The following WDPCP variants were observed in gnomAD, a reference collection of about 807,000 sequenced individuals.
The protein encoded by WDPCP is WD repeat-containing and planar cell polarity effector protein fritz homolog.
Under a neutral mutation model 93.1 loss-of-function variants are expected in WDPCP, and 71 were observed. The ratio of observed to expected loss-of-function variants is 0.76; its 90% CI spans 0.63 to 0.93. WDPCP has a LOEUF of 0.93. Ranked by LOEUF, WDPCP falls within the 40% of genes least tolerant of loss-of-function variation. WDPCP has a pLI of 0.00. For synonymous variants in WDPCP, 315 were observed against 315.0 expected (o/e 1.00, Z 0.00); for missense variants, 844 against 887.4 (o/e 0.95, Z 0.62).
intron 14 of WDPCP, among the ~76,000 whole-genome samples, chr2:63,196,020 A>G (rs1675406631): frequency 1.3e-5 from 2 of 152,196 alleles, no homozygotes; most frequent in African/African-American, 4.8e-5. Context: ...ATGCTGCATG[A>G]TGCTAATCAT....
chr2:63,503,850 A>G (rs960545658), intron 1 of WDPCP, among the ~76,000 whole-genome samples: 2 of 151,900 alleles, frequency 1.3e-5, no homozygotes, highest in African/African-American at 4.8e-5. Context: ...TTGTCAATTC[A>G]GGGTTATTGT....
intron 14 of WDPCP, among the ~76,000 whole-genome samples, chr2:63,214,693 G>T (rs1281092963): frequency 2.0e-5 from 3 of 152,172 alleles, no homozygotes; most frequent in African/African-American, 7.2e-5. Flanking sequence ...GTCCCTGTTT[G>T]CAGATGACAT....
At chr2:63,454,566 C>T (rs1441541933) in intron 6 of WDPCP, among the ~76,000 whole-genome samples, 3 of 151,706 alleles carry the variant, frequency 2.0e-5, no homozygotes, top group African/African-American at 7.3e-5. Flanking sequence ...TGATAAATAG[C>T]ATACCATAAA....
intron 3 of WDPCP, among the ~76,000 whole-genome samples, chr2:63,626,313 G>A (rs906590619): frequency 6.6e-6 from 1 of 152,080 alleles, no homozygotes; most frequent in Non-Finnish European, 1.5e-5. Flanking sequence ...AAAAGCAACG[G>A]CAACAAAAGC....
chr2:63,778,279 C>A (rs1165430024), intron 2 of WDPCP, among the ~76,000 whole-genome samples: 1 of 151,914 alleles, frequency 6.6e-6, no homozygotes, highest in Non-Finnish European at 1.5e-5. Context: ...GCGATTTCAG[C>A]CCACTGCAAC....
At chr2:63,801,735 C>T (rs990671729) in intron 2 of WDPCP, among the ~76,000 whole-genome samples, 2 of 152,192 alleles carry the variant, frequency 1.3e-5, no homozygotes, top group Admixed American at 6.5e-5. Flanking sequence ...GTGCGTTTTA[C>T]AATCCTCCTG....
At chr2:63,742,602 G>A (rs932186349) in intron 2 of WDPCP, among the ~76,000 whole-genome samples, 2 of 150,394 alleles carry the variant, frequency 1.3e-5, no homozygotes, top group African/African-American at 4.9e-5. Context: ...TGCCTACAAG[G>A]GTTCTTTTTT....
At chr2:63,438,113 C>A (rs1697261518) in intron 7 of WDPCP, 3 of 875,902 alleles carry the variant, frequency 3.4e-6, no homozygotes, top group Non-Finnish European at 4.4e-6. Context: ...AAAATTAGCA[C>A]AATATTTCTA....
intron 2 of WDPCP, among the ~76,000 whole-genome samples, chr2:63,724,000 A>G (rs764975665): frequency 6.6e-6 from 1 of 152,176 alleles, no homozygotes; most frequent in Non-Finnish European, 1.5e-5. Flanking sequence ...CCTAAGTTTC[A>G]ATTTGAAATT....
At chr2:63,793,540 G>A (rs1468440074) in intron 2 of WDPCP, among the ~76,000 whole-genome samples, 1 of 152,170 alleles carries the variant, frequency 6.6e-6, no homozygotes, top group African/African-American at 2.4e-5. Flanking sequence ...GAGCCTAGGA[G>A]TTCAAGATTA....
rs554381634 is a variant in WDPCP at position 63,691,865 on chromosome 2, T to C, written n.309-41027A>G. ...CTATACAAGATTTTTAAAAATTATA[T>C]ACTACAAAGTGTGTGTGTGTGTGTG... On this transcript the variant is annotated intron_variant and non_coding_transcript_variant, in intron 2 of 4. Transcript: ENST00000467687. Among the ~76,000 whole-genome samples, 117 of 146,096 alleles carry C rather than the reference T, an allele frequency of 8.0e-4. 1 individual carries two copies. Among genetic ancestry groups the C allele is most frequent in the Non-Finnish European group, 1.4e-3 (95 of 67,106 alleles).
chr2:63,293,294 T>C (rs139787953), intron 13 of WDPCP, among the ~76,000 whole-genome samples: 4 of 152,302 alleles, frequency 2.6e-5, no homozygotes, highest in Non-Finnish European at 5.9e-5. Context: ...AAGTATAGTT[T>C]TGGACAAGGC....
chr2:63,140,554 A>AT (rs57591269), intron 17 of WDPCP, among the ~76,000 whole-genome samples: 65,864 of 145,900 alleles, frequency 0.45, 15,008 homozygotes, highest in Admixed American at 0.51. Flanking sequence ...ATTCCTAAGT[A>AT]TTTTTTTTTT....
At position 63,588,216 on chromosome 2, in the gene WDPCP, G is replaced by T; in HGVS notation, c.56C>A (p.Ser19Tyr). The change falls in exon 1 of 18, where the codon TCT becomes TAT. Residue 19 changes from serine (S) to tyrosine (Y), a missense_variant. Transcript: ENST00000272321. Reference sequence around the variant, plus strand: ...GCTCACCTGTCTCGGGAGTGGGGAAGAAGCGCGACTCCCGGCCGCTTTGGA... The same window carrying T: ...GCTCACCTGTCTCGGGAGTGGGGAATAAGCGCGACTCCCGGCCGCTTTGGA... ...AYSKAAGSRA[S>Y]SPLPRQDRDS... 6.4e-7 allele frequency: 1 copy of T among 1,573,374 alleles called. No homozygotes were observed. Among genetic ancestry groups the T allele is most frequent in the African/African-American group, 1.4e-5 (1 of 73,674 alleles).
intron 13 of WDPCP, among the ~76,000 whole-genome samples, chr2:63,274,660 G>A (rs925125793): frequency 2.6e-5 from 4 of 152,110 alleles, no homozygotes; most frequent in African/African-American, 9.7e-5. Flanking sequence ...AGGATCATCT[G>A]AGACTTTTAT....
chr2:63,270,717 G>A (rs59702024), intron 13 of WDPCP, among the ~76,000 whole-genome samples: 180 of 152,250 alleles, frequency 1.2e-3, no homozygotes, highest in African/African-American at 4.2e-3. Flanking sequence ...CAGGGAAAAG[G>A]TTAAAGTGAG....
chr2:63,222,155 A>G (rs75804953), intron 14 of WDPCP, among the ~76,000 whole-genome samples: 2 of 152,198 alleles, frequency 1.3e-5, no homozygotes, highest in Admixed American at 1.3e-4. Flanking sequence ...TCATCTCTCT[A>G]TATATATGTT....
At chr2:63,654,871 G>A (rs1051805360) in intron 2 of WDPCP, among the ~76,000 whole-genome samples, 68 of 151,750 alleles carry the variant, frequency 4.5e-4, no homozygotes, top group African/African-American at 1.6e-3. Context: ...TGAATCTATG[G>A]TTGGTTGAAT....
chr2:63,264,161 A>G (rs1414310066), intron 13 of WDPCP, among the ~76,000 whole-genome samples: 1 of 152,238 alleles, frequency 6.6e-6, no homozygotes, highest in Non-Finnish European at 1.5e-5. Flanking sequence ...CTAGTGGACT[A>G]TGTTACTATA....
Sources: gnomAD v4.1 joint callset for allele counts (sites outside exome capture counted in the v4.1 genomes callset) on GRCh38, gnomAD v4.1.1 for gene constraint, MANE v1.5 for transcripts, NCBI Gene and HGNC (gene_info 2026-07-23, HGNC 2026-07-21) for gene names.